MLLT10: variants seen among roughly 807,000 people sequenced by gnomAD.
MLLT10 encodes the protein MLLT10 histone lysine methyltransferase DOT1L cofactor.
In MLLT10, 30 loss-of-function variants were observed where a neutral mutation model predicts 129.1. The ratio of observed to expected loss-of-function variants is 0.23; its 90% CI spans 0.17 to 0.32. MLLT10 has a LOEUF of 0.32. MLLT10 is among the 10% of genes least tolerant of loss of function. MLLT10 has a pLI of 1.00. For missense variants in MLLT10, 1,119 were observed against 1,268.3 expected (o/e 0.88, Z 1.79); for synonymous variants, 490 against 446.4 (o/e 1.10, Z -1.23).
In MLLT10 at chr10:21,551,589, TG is replaced by T. The variant is rs1352745405; in HGVS notation, c.240+12678del. On this transcript the variant is annotated intron_variant, in intron 3 of 22. Coordinates refer to ENST00000307729, the MANE Select transcript of MLLT10 (RefSeq NM_001195626.3). ...TTTCTTGAATTCCTTTTCCTTTTAATGTGAGAAAAGGCTAGCATAAGGGCAG... is the reference window on the plus strand; with the variant it reads ...TTTCTTGAATTCCTTTTCCTTTTAATTGAGAAAAGGCTAGCATAAGGGCAG... Among the ~76,000 whole-genome samples, 8 of 152,006 alleles carry T rather than the reference TG, an allele frequency of 5.3e-5. No homozygotes were observed. The East Asian group carries it at 1.5e-3, about 29-fold the overall frequency.
chr10:21,563,791 GTATTATTATTAT>G (rs34367086), intron 3 of MLLT10, among the ~76,000 whole-genome samples: 265 of 145,646 alleles, frequency 1.8e-3, no homozygotes, highest in Admixed American at 6.8e-3. Context: ...CTCACTGTGT[GTATTATTATTAT>G]TATTATTATT....
chr10:21,670,374 A>G (rs114732792), intron 9 of MLLT10, 75 bp from the exon 10 acceptor site: 3 of 1,394,660 alleles, frequency 2.2e-6, no homozygotes, highest in Non-Finnish European at 2.9e-6. Flanking sequence ...CTTCTTATTA[A>G]TGTGGCACCC....
intron 10 of MLLT10, 32 bp from the exon 11 acceptor site, chr10:21,673,318 C>CAT: frequency 2.0e-5 from 6 of 307,334 alleles, no homozygotes; most frequent in East Asian, 1.4e-4. Flanking sequence ...CACCCCCCAA[C>CAT]TTTTTTTTTT....
chr10:21,727,752 G>T (rs1275244104), intron 15 of MLLT10, 104 bp from the exon 16 acceptor site: 12 of 789,586 alleles, frequency 1.5e-5, no homozygotes, highest in Non-Finnish European at 4.2e-6. Flanking sequence ...TGCAAAGATA[G>T]TGGTAAAGGT....
At chr10:21,554,287 G>A (rs1297208591) in intron 3 of MLLT10, among the ~76,000 whole-genome samples, 1 of 151,882 alleles carries the variant, frequency 6.6e-6, no homozygotes, top group Non-Finnish European at 1.5e-5. Flanking sequence ...TCTATTTTCT[G>A]AGGTGATTCC....
At chr10:21,665,432 G>T (rs781015417) in intron 9 of MLLT10, among the ~76,000 whole-genome samples, 14 of 151,848 alleles carry the variant, frequency 9.2e-5, no homozygotes, top group South Asian at 2.1e-4. Flanking sequence ...GGGATTACAG[G>T]TATGTGCCAC....
intron 4 of MLLT10, among the ~76,000 whole-genome samples, chr10:21,590,809 A>C (rs2042422448): frequency 6.6e-6 from 1 of 152,032 alleles, no homozygotes; most frequent in Non-Finnish European, 1.5e-5. Flanking sequence ...TTTTAAAGAA[A>C]GTTTTGGGTT....
rs749912071 is a variant in MLLT10 at position 21,673,380 on chromosome 10, A to G, written c.1082A>G (p.Lys361Arg). ...GSFSGTPGSV[K>R]SSSGSSVQSP... ...TTTTCAGGAACTCCAGGCAGTGTAA[A>G]GTCATCTTCTGGAAGTTCAGTGCAG... Residue 361 changes from lysine (K) to arginine (R), a missense_variant, in exon 11 of 23, where the codon AAG (lysine) becomes AGG (arginine). This residue lies in a region of MLLT10 where 1,004 missense variants were observed against 1,008.7 expected (regional missense o/e 1.00). Coordinates refer to ENST00000307729, the MANE Select transcript of MLLT10 (RefSeq NM_001195626.3). The G allele has an allele frequency of 6.6e-7, 1 of 1,518,326 alleles. No individual in the cohort carries two copies. The highest frequency in any genetic ancestry group is 8.8e-7 in the Non-Finnish European group (1 of 1,138,474). 94.1% of individuals were successfully genotyped at this position (1,518,326 alleles called of 1,614,324 possible).
intron 8 of MLLT10, among the ~76,000 whole-genome samples, chr10:21,619,016 G>T (rs529078758): frequency 1.4e-5 from 2 of 141,654 alleles, no homozygotes; most frequent in East Asian, 4.1e-4. Context: ...GTGAGCCACC[G>T]TGCCTGGTGA....
intron 8 of MLLT10, among the ~76,000 whole-genome samples, chr10:21,650,995 T>C (rs1035972739): frequency 2.0e-5 from 3 of 152,206 alleles, no homozygotes; most frequent in Non-Finnish European, 4.4e-5. Context: ...ATGTAAACTT[T>C]AAAGTACTAT....
intron 5 of MLLT10, among the ~76,000 whole-genome samples, chr10:21,597,603 C>T (rs556955817): frequency 1.1e-4 from 16 of 152,304 alleles, no homozygotes; most frequent in Middle Eastern, 3.4e-3. Context: ...AACTCCTGGC[C>T]TCAAGTGATC....
chr10:21,667,104 A>T (rs900103524), intron 9 of MLLT10, among the ~76,000 whole-genome samples: 2 of 152,100 alleles, frequency 1.3e-5, no homozygotes, highest in African/African-American at 4.8e-5. Flanking sequence ...TGCCTGTGGA[A>T]TTCTAAGTTG....
At chr10:21,673,315 C>A in intron 10 of MLLT10, 35 bp from the exon 11 acceptor site, 1 of 616,712 alleles carries the variant, frequency 1.6e-6, no homozygotes, top group Non-Finnish European at 2.3e-6. Flanking sequence ...CCCCACCCCC[C>A]AACTTTTTTT....
intron 4 of MLLT10, among the ~76,000 whole-genome samples, chr10:21,586,993 CTG>C (rs777499612): frequency 6.0e-5 from 9 of 148,938 alleles, no homozygotes; most frequent in Admixed American, 1.3e-4. Flanking sequence ...GACCTAAAAT[CTG>C]TTGTTTTAGA....
intron 8 of MLLT10, among the ~76,000 whole-genome samples, chr10:21,617,991 G>C (rs1589254408): frequency 6.6e-6 from 1 of 152,258 alleles, no homozygotes; most frequent in East Asian, 1.9e-4. Flanking sequence ...ACCAGCTTGG[G>C]AGACAGAGTG....
chr10:21,598,389 T>A (rs2043207556), intron 5 of MLLT10, among the ~76,000 whole-genome samples: 1 of 152,216 alleles, frequency 6.6e-6, no homozygotes, highest in Non-Finnish European at 1.5e-5. Context: ...TTATTCCTGC[T>A]GTAGTTCTGA....
intron 5 of MLLT10, among the ~76,000 whole-genome samples, chr10:21,604,592 AAAT>A (rs572544751): frequency 3.3e-4 from 51 of 152,336 alleles, no homozygotes; most frequent in Non-Finnish European, 6.2e-4. Context: ...TGTTTAAAAA[AAAT>A]AATAATAACT....
At chr10:21,625,906 A>G in intron 8 of MLLT10, 1 of 784,116 alleles carries the variant, frequency 1.3e-6, no homozygotes, top group South Asian at 1.3e-5. Flanking sequence ...GCACCAACTC[A>G]TCCTCATATA....
chr10:21,614,640 A>G (rs1173037135), intron 6 of MLLT10, among the ~76,000 whole-genome samples, 191 bp from the exon 7 acceptor site: 2 of 152,214 alleles, frequency 1.3e-5, no homozygotes, highest in African/African-American at 2.4e-5. Flanking sequence ...AACTTTAAAA[A>G]AAGATCAGTT....
Sources: allele counts gnomAD v4.1 joint callset (sites outside exome capture counted in the v4.1 genomes callset), GRCh38; gene constraint gnomAD v4.1.1; regional missense constraint gnomAD v4.1.1; transcripts MANE v1.5; gene names NCBI Gene and HGNC (gene_info 2026-07-23, HGNC 2026-07-21).